KIDINS220: variants seen among roughly 807,000 people sequenced by gnomAD.
KIDINS220 encodes the protein kinase D interacting substrate 220.
KIDINS220 carries 63 observed loss-of-function variants against 157.6 expected under a neutral mutation model. That is an observed-to-expected ratio of 0.40 (90% CI 0.33 to 0.49). The LOEUF (loss-of-function observed/expected upper bound fraction) is 0.49. KIDINS220 is among the 20% of genes least tolerant of loss of function. The pLI is 0.66. For missense variants in KIDINS220, 1,772 were observed against 2,171.2 expected (o/e 0.82, Z 3.65); for synonymous variants, 732 against 783.6 (o/e 0.93, Z 1.10).
At chr2:8,735,620 T>C (rs73153131) in intron 27 of KIDINS220, among the ~76,000 whole-genome samples, 2 of 152,346 alleles carry the variant, frequency 1.3e-5, no homozygotes, top group African/African-American at 4.8e-5. Flanking sequence ...CAGCATTTTC[T>C]TTATTAATAA....
chr2:8,778,620 G>A lies in KIDINS220; in HGVS notation c.2703+19C>T, dbSNP rs749922300. 2.3e-5 allele frequency: 35 copies of A among 1,532,172 alleles called. No individual in the cohort carries two copies. In the East Asian group the frequency reaches 4.5e-4, roughly 20 times the overall value. The allele number at this position is 1,532,172 out of a possible 1,614,324, so 94.9% of individuals were successfully genotyped here. On this transcript the variant is annotated intron_variant, in intron 20 of 29. Transcript: ENST00000256707. Reference sequence around the variant, plus strand: ...GAATAGCAATACAAACATACAGCTCGAAGCCAATGGCATCTTACCCGTCTA... The same window carrying A: ...GAATAGCAATACAAACATACAGCTCAAAGCCAATGGCATCTTACCCGTCTA...
At chr2:8,835,272 T>C (rs1680239173) in intron 1 of KIDINS220, among the ~76,000 whole-genome samples, 1 of 152,212 alleles carries the variant, frequency 6.6e-6, no homozygotes, top group South Asian at 2.1e-4. Context: ...ATAGGTATGC[T>C]AAAGATACCT....
At chr2:8,753,171 A>G (rs1667585081) in intron 22 of KIDINS220, among the ~76,000 whole-genome samples, 1 of 152,184 alleles carries the variant, frequency 6.6e-6, no homozygotes, top group African/African-American at 2.4e-5. Context: ...GTCCACTAAC[A>G]GATGGAAGGA....
chr2:8,812,048 A>G (rs1284055141), intron 6 of KIDINS220, among the ~76,000 whole-genome samples: 1 of 152,210 alleles, frequency 6.6e-6, no homozygotes, highest in Admixed American at 6.5e-5. Context: ...CCAAACTTCA[A>G]TTTCAGAAAG....
At chr2:8,798,369 CA>C (rs1304795099) in intron 9 of KIDINS220, 69 bp from the exon 10 acceptor site, 2 of 846,276 alleles carry the variant, frequency 2.4e-6, no homozygotes, top group Non-Finnish European at 3.9e-6. Context: ...CTTATAAATA[CA>C]AAACATTTCT....
intron 15 of KIDINS220, among the ~76,000 whole-genome samples, chr2:8,787,532 C>A (rs1672594655): frequency 6.6e-6 from 1 of 151,828 alleles, no homozygotes; most frequent in Non-Finnish European, 1.5e-5. Flanking sequence ...CCACACCCAG[C>A]TAATTTTTCT....
chr2:8,814,033 A>G (rs1022778590), intron 4 of KIDINS220, among the ~76,000 whole-genome samples: 1 of 152,238 alleles, frequency 6.6e-6, no homozygotes, highest in Non-Finnish European at 1.5e-5. Flanking sequence ...GATTCTAACA[A>G]TCATATTCAA....
At position 8,758,123 on chromosome 2, in the gene KIDINS220, A is replaced by G. The variant is rs566440326; in HGVS notation, c.3012-6479T>C. ...GGTGATCTGCCTGCATCGGCCTGCTAAAGTACTGGGATTACAGGCGTGAGC... is the reference window on the plus strand; with the variant it reads ...GGTGATCTGCCTGCATCGGCCTGCTGAAGTACTGGGATTACAGGCGTGAGC... On this transcript the variant is annotated intron_variant, in intron 22 of 29. Coordinates refer to ENST00000256707, the MANE Select transcript of KIDINS220 (RefSeq NM_020738.4). 8.5e-5 allele frequency among the ~76,000 whole-genome samples: 13 copies of G among 152,336 alleles called. No homozygotes were observed. In the Middle Eastern group the frequency reaches 0.01, roughly 120 times the overall value.
chr2:8,739,734 G>C (rs1308580963), intron 26 of KIDINS220, among the ~76,000 whole-genome samples: 1 of 152,158 alleles, frequency 6.6e-6, no homozygotes, highest in African/African-American at 2.4e-5. Flanking sequence ...GACCATTTTA[G>C]CGTATTGATT....
intron 7 of KIDINS220, among the ~76,000 whole-genome samples, chr2:8,804,671 T>C (rs1388435512): frequency 1.3e-5 from 2 of 152,252 alleles, no homozygotes; most frequent in Admixed American, 1.3e-4. Flanking sequence ...TGCAGCACAA[T>C]GTTTTCCCCA....
At chr2:8,777,123 T>C (rs1671074012) in intron 20 of KIDINS220, among the ~76,000 whole-genome samples, 1 of 152,194 alleles carries the variant, frequency 6.6e-6, no homozygotes, top group Non-Finnish European at 1.5e-5. Flanking sequence ...TTCAGATGCA[T>C]TTTAAGTTAC....
intron 1 of KIDINS220, among the ~76,000 whole-genome samples, chr2:8,835,720 G>A (rs1192261876): frequency 6.6e-6 from 1 of 150,844 alleles, no homozygotes; most frequent in East Asian, 1.9e-4. Context: ...AGGTACCTGG[G>A]ATCCTGACTT....
intron 27 of KIDINS220, among the ~76,000 whole-genome samples, chr2:8,735,856 C>CT (rs1322221082): frequency 2.0e-5 from 3 of 152,292 alleles, no homozygotes; most frequent in Admixed American, 1.3e-4. Flanking sequence ...AAGCCGGGGT[C>CT]TAGGAGCAAA....
downstream of KIDINS220, among the ~76,000 whole-genome samples, chr2:8,728,212 C>A (rs1322596947): frequency 1.3e-5 from 2 of 152,096 alleles, no homozygotes; most frequent in Non-Finnish European, 2.9e-5. Context: ...TGTGGTGGCA[C>A]GTGCCTATAG....
In KIDINS220 at chr2:8,818,760, G is replaced by C. The variant is rs778720197; in HGVS notation, c.142C>G (p.Gln48Glu). ...TCCTTCACTATTTCCAGATTGCCTTGTTCGGCAGCTATCATCAGTGGAGTC... is the reference window on the plus strand; with the variant it reads ...TCCTTCACTATTTCCAGATTGCCTTCTTCGGCAGCTATCATCAGTGGAGTC... Reference protein sequence around the residue: ...GQTPLMIAAEQGNLEIVKELI... With the variant: ...GQTPLMIAAEEGNLEIVKELI... The change falls in exon 3 of 30, where the codon CAA (glutamine) becomes GAA (glutamate). Residue 48 changes from glutamine to glutamate, a missense_variant. Around this residue, in one of 3 missense-constraint regions of KIDINS220, gnomAD observed 254 missense variants for 268.6 expected, o/e 0.95. Coordinates refer to ENST00000256707, the MANE Select transcript of KIDINS220 (RefSeq NM_020738.4). 6.2e-7 allele frequency: 1 copy of C among 1,610,244 alleles called. No individual in the cohort carries two copies. Among genetic ancestry groups the C allele is most frequent in the South Asian group, 1.1e-5 (1 of 90,776 alleles).
intron 23 of KIDINS220, 118 bp from the exon 24 acceptor site, chr2:8,750,453 G>T: frequency 1.6e-6 from 1 of 606,278 alleles, no homozygotes; most frequent in Non-Finnish European, 2.5e-6. Flanking sequence ...CTCTTGCCAC[G>T]GATTCCAACT....
At chr2:8,747,228 G>A in intron 25 of KIDINS220, 27 bp from the exon 26 acceptor site, 1 of 1,608,966 alleles carries the variant, frequency 6.2e-7, no homozygotes, top group Non-Finnish European at 8.5e-7. Context: ...GGAGAGTGTG[G>A]GTGAAAAGGG....
In KIDINS220 at chr2:8,729,097, A is replaced by G. The variant is rs1663681878; in HGVS notation, c.*1623T>C. 1 of 984,090 alleles carries G rather than the reference A, an allele frequency of 1.0e-6. No homozygotes were observed. Among genetic ancestry groups the G allele is most frequent in the Non-Finnish European group, 1.2e-6 (1 of 828,406 alleles). 61.0% of individuals were successfully genotyped at this position (984,090 alleles called of 1,614,324 possible). A position where few individuals can be genotyped will look rare whatever the true frequency, so the allele number is the denominator to read the frequency against. On this transcript the variant is annotated 3_prime_UTR_variant, in exon 30 of 30. Transcript: ENST00000256707. ...AATTCCTAATTATACAATTTTGCAAATAAGCACTATAAATGTTAAAATGTT... is the reference window on the plus strand; with the variant it reads ...AATTCCTAATTATACAATTTTGCAAGTAAGCACTATAAATGTTAAAATGTT...
At chr2:8,740,347 G>A (rs1665456533) in intron 26 of KIDINS220, among the ~76,000 whole-genome samples, 1 of 152,066 alleles carries the variant, frequency 6.6e-6, no homozygotes. Flanking sequence ...GAGCACACAT[G>A]CATGCACACA....
Sources: gnomAD v4.1 joint callset for allele counts (sites outside exome capture counted in the v4.1 genomes callset) on GRCh38, gnomAD v4.1.1 for gene constraint, gnomAD v4.1.1 regional missense constraint, MANE v1.5 for transcripts, NCBI Gene and HGNC (gene_info 2026-07-23, HGNC 2026-07-21) for gene names.